Variants in KIF26A observed in about 807,000 individuals in gnomAD.
KIF26A encodes the protein kinesin family member 26A, also known as kinesin-like protein KIF26A.
A neutral mutation model predicts 126.0 loss-of-function variants in KIF26A; 74 were observed. The observed-to-expected ratio is 0.59, with a 90% CI of 0.49 to 0.71. The LOEUF (loss-of-function observed/expected upper bound fraction) is 0.71, where lower values mean the gene tolerates loss of function less well. Ranked by LOEUF, KIF26A falls within the 30% of genes least tolerant of loss-of-function variation. The pLI, the probability that KIF26A is intolerant of heterozygous loss-of-function variation, is 0.00. For missense variants in KIF26A, 2,984 were observed against 2,763.3 expected (o/e 1.08, Z -1.79); for synonymous variants, 1,445 against 1,232.7 (o/e 1.17, Z -3.61).
chr14:104,145,540 G>A (rs906513124), intron 2 of KIF26A, among the ~76,000 whole-genome samples: 7 of 152,324 alleles, frequency 4.6e-5, no homozygotes, highest in Middle Eastern at 3.4e-3. Flanking sequence ...TGGGATGGTC[G>A]TGCTTGCGTC....
Position 104,152,577 on chromosome 14 carries a change from G to A in KIF26A, c.735+116G>A, listed in dbSNP as rs1475553010. On this transcript the variant is annotated intron_variant, in intron 3 of 14. Transcript: ENST00000423312. This position sits in a 1 kb window ranked among gnomAD's most constrained non-coding sequence, Gnocchi z 5.9. ...CAGTAAGGCTTCCCTGAAGGGAGGG[G>A]ACGGCGGGCATGGGGGTTCCTGACA... is the stretch of plus-strand genomic sequence containing the variant. 5.8e-6 allele frequency: 6 copies of A among 1,042,826 alleles called. No individual in the cohort carries two copies. In the East Asian group the frequency reaches 1.6e-4, roughly 28 times the overall value. 64.6% of individuals were successfully genotyped at this position (1,042,826 alleles called of 1,614,324 possible). A position where few individuals can be genotyped will look rare whatever the true frequency, so the allele number is the denominator to read the frequency against.
intron 3 of KIF26A, among the ~76,000 whole-genome samples, chr14:104,153,324 G>A (rs2037747326): frequency 6.6e-6 from 1 of 152,114 alleles, no homozygotes; most frequent in African/African-American, 2.4e-5. Flanking sequence ...AGGCTCACTG[G>A]AGGAACTTCT....
chr14:104,165,499 G>A (rs1388485187), intron 4 of KIF26A, among the ~76,000 whole-genome samples: 1 of 148,184 alleles, frequency 6.7e-6, no homozygotes, highest in Non-Finnish European at 1.5e-5. Flanking sequence ...ATGTGCATGT[G>A]TGTCTGTGTG....
intron 2 of KIF26A, among the ~76,000 whole-genome samples, chr14:104,139,777 C>G (rs2037620196): frequency 6.6e-6 from 1 of 152,220 alleles, no homozygotes; most frequent in African/African-American, 2.4e-5. Flanking sequence ...GGGTCCCTGC[C>G]TACTCCTCTC....
chr14:104,154,305 C>T (rs1475997846), intron 3 of KIF26A, among the ~76,000 whole-genome samples: 3 of 152,170 alleles, frequency 2.0e-5, no homozygotes, highest in Non-Finnish European at 4.4e-5. Context: ...GGGGCAGGGA[C>T]CAGCCATGGC....
chr14:104,156,087 C>G (rs1015808721), intron 3 of KIF26A, among the ~76,000 whole-genome samples: 2 of 152,120 alleles, frequency 1.3e-5, no homozygotes, highest in Non-Finnish European at 2.9e-5. Flanking sequence ...GCCCCGGCCC[C>G]CAGGAGAACT....
intron 2 of KIF26A, among the ~76,000 whole-genome samples, chr14:104,143,964 TGGAGCTC>T: frequency 6.6e-6 from 1 of 152,276 alleles, no homozygotes; most frequent in East Asian, 1.9e-4. Flanking sequence ...CGGGAGGCCG[TGGAGCTC>T]GGAGCTCCCA....
At chr14:104,139,388 G>T in intron 2 of KIF26A, 100 bp downstream of exon 2, 1 of 1,296,634 alleles carries the variant, frequency 7.7e-7, no homozygotes, top group Non-Finnish European at 1.0e-6. Context: ...CTCCTTCCCT[G>T]CTGCTGTTTC....
chr14:104,166,186 C>CCAGGAGCT (rs1555389010), intron 4 of KIF26A, among the ~76,000 whole-genome samples: 1 of 145,542 alleles, frequency 6.9e-6, no homozygotes, highest in Non-Finnish European at 1.5e-5. Flanking sequence ...TGGCAGGGGC[C>CCAGGAGCT]CAGGAGCTGG....
In KIF26A at chr14:104,152,516, T is replaced by C; in HGVS notation, c.735+55T>C. 1 of 1,467,522 alleles carries C rather than the reference T, an allele frequency of 6.8e-7. No homozygotes were observed. The allele number at this position is 1,467,522 out of a possible 1,614,324, so 90.9% of individuals were successfully genotyped here. On this transcript the variant is annotated intron_variant, in intron 3 of 14. Coordinates refer to ENST00000423312, the MANE Select transcript of KIF26A (RefSeq NM_015656.2). The surrounding 1 kb of genome is among the most constrained non-coding windows in gnomAD (Gnocchi z 5.9). ...GCTGGCCTCCTTGTCAGAACTGGGC[T>C]TCCTTCGGGGGTCTCTGTCCACGTT...
At chr14:104,140,086 G>A (rs903529829) in intron 2 of KIF26A, among the ~76,000 whole-genome samples, 1 of 152,214 alleles carries the variant, frequency 6.6e-6, no homozygotes, top group African/African-American at 2.4e-5. Context: ...AGAGTTCCTG[G>A]GAAGTCCGCA....
intron 4 of KIF26A, among the ~76,000 whole-genome samples, chr14:104,166,184 G>GCACAGGGT (rs1386666748): frequency 7.3e-6 from 1 of 136,916 alleles, no homozygotes; most frequent in African/African-American, 3.5e-5. Flanking sequence ...GGTGGCAGGG[G>GCACAGGGT]CCCAGGAGCT....
chr14:104,141,220 G>T (rs945828499), intron 2 of KIF26A, among the ~76,000 whole-genome samples: 1 of 152,216 alleles, frequency 6.6e-6, no homozygotes, highest in African/African-American at 2.4e-5. Context: ...GGAGACCCCA[G>T]TGTGCTCCCC....
In KIF26A at chr14:104,151,383, G is replaced by C. The variant is rs1311729496; in HGVS notation, c.289-632G>C. On this transcript the variant is annotated intron_variant, in intron 2 of 14. Coordinates refer to ENST00000423312, the MANE Select transcript of KIF26A (RefSeq NM_015656.2). The surrounding 1 kb of genome is among the most constrained non-coding windows in gnomAD (Gnocchi z 4.9). Reference sequence around the variant, plus strand: ...AGCTCAGACCTGGGTGGGGGAGCTGGTGGAGTGTGCGGCGGGGGGTGGGGC... The same window carrying C: ...AGCTCAGACCTGGGTGGGGGAGCTGCTGGAGTGTGCGGCGGGGGGTGGGGC... Among the ~76,000 whole-genome samples the C allele has an allele frequency of 6.6e-6, 1 of 152,092 alleles. No homozygotes were observed. The highest frequency in any genetic ancestry group is 2.4e-5 in the African/African-American group (1 of 41,424).
At position 104,176,524 on chromosome 14, in the gene KIF26A, C is replaced by T. The variant is rs762567506; in HGVS notation, c.3736C>T (p.Arg1246Trp). The T allele has an allele frequency of 1.1e-5, 18 of 1,604,874 alleles. No homozygotes were observed. Among genetic ancestry groups the T allele is most frequent in the African/African-American group, 2.7e-5 (2 of 74,938 alleles). ...GGLFEDPWLLRVGECDTQAAS... is the reference protein window; with the variant it reads ...GGLFEDPWLLWVGECDTQAAS... ...CCTGTTTGAGGACCCATGGCTGCTC[C>T]GGGTAGGGGAGTGTGATACCCAGGC... Residue 1246 changes from arginine (R) to tryptophan (W), a missense_variant, in exon 12 of 15, where the codon CGG (arginine) becomes TGG (tryptophan). Physicochemically the swap from Arg to Trp is moderately radical, Grantham distance 101. Transcript: ENST00000423312.
chr14:104,161,453 C>T (rs1417425456), intron 4 of KIF26A, among the ~76,000 whole-genome samples: 1 of 152,228 alleles, frequency 6.6e-6, no homozygotes, highest in African/African-American at 2.4e-5. Context: ...TCAAGGCCAA[C>T]TGCCTGTGAA....
intron 12 of KIF26A, among the ~76,000 whole-genome samples, chr14:104,178,204 CTGGGG>C (rs1566867234): frequency 3.3e-5 from 5 of 152,198 alleles, no homozygotes; most frequent in Admixed American, 6.5e-5. Context: ...GGTCGCCAGG[CTGGGG>C]CACTGGACTC....
At chr14:104,178,161 G>A (rs1566867218) in intron 12 of KIF26A, among the ~76,000 whole-genome samples, 1 of 152,214 alleles carries the variant, frequency 6.6e-6, no homozygotes, top group South Asian at 2.1e-4. Flanking sequence ...ATCCTGGTCT[G>A]TGTCTGGGTG....
Position 104,176,915 on chromosome 14 carries a change from G to C in KIF26A, c.4127G>C (p.Ser1376Thr), listed in dbSNP as rs1156574612. The C allele has an allele frequency of 3.3e-6, 5 of 1,537,760 alleles. No individual in the cohort carries two copies. Among genetic ancestry groups the C allele is most frequent in the Non-Finnish European group, 4.4e-6 (5 of 1,145,988 alleles). ...AAGTCCAGCCTGGAGCAGAGGAGCA[G>C]CCCGGCCTCGGCCCCTCCGCATGCT... ...TRKSSLEQRS[S>T]PASAPPHAVN... The change falls in exon 12 of 15, where the codon AGC (serine) becomes ACC (threonine). Residue 1376 changes from serine (S) to threonine (T), a missense_variant. Transcript: ENST00000423312.
Sources: allele counts gnomAD v4.1 joint callset (sites outside exome capture counted in the v4.1 genomes callset), GRCh38; gene constraint gnomAD v4.1.1; non-coding constraint Gnocchi (gnomAD v3.1); transcripts MANE v1.5; gene names NCBI Gene and HGNC (gene_info 2026-07-23, HGNC 2026-07-21).